The following LMX1A variants were observed in gnomAD, a reference collection of about 807,000 sequenced individuals.
The protein encoded by LMX1A is LIM homeobox transcription factor 1 alpha.
Under a neutral mutation model 49.1 loss-of-function variants are expected in LMX1A, and 15 were observed. That is an observed-to-expected ratio of 0.31 (90% CI 0.20 to 0.47). The LOEUF is 0.47. Among genes scored for constraint, LMX1A ranks in the 20% least tolerant of loss-of-function variants. The probability of loss-of-function intolerance (pLI) is 1.00; values close to 1 mark genes in which losing one functional copy is unlikely to be tolerated. For missense variants in LMX1A, 372 were observed against 475.8 expected (o/e 0.78, Z 2.03); for synonymous variants, 167 against 185.7 (o/e 0.90, Z 0.82).
At chr1:165,250,629 T>C (rs992863440) in intron 3 of LMX1A, among the ~76,000 whole-genome samples, 3 of 152,220 alleles carry the variant, frequency 2.0e-5, no homozygotes, top group East Asian at 1.9e-4. Context: ...ATCTATTATA[T>C]ATGCCAAGCC....
At chr1:165,249,778 G>A in intron 3 of LMX1A, 138 bp from the exon 4 acceptor site, 1 of 662,720 alleles carries the variant, frequency 1.5e-6, no homozygotes, top group Non-Finnish European at 2.7e-6. Context: ...TTAAATCCAG[G>A]TTATTTATTC....
chr1:165,316,365 C>A (rs1276952135), intron 3 of LMX1A, among the ~76,000 whole-genome samples: 1 of 152,154 alleles, frequency 6.6e-6, no homozygotes, highest in Non-Finnish European at 1.5e-5. Flanking sequence ...TGCTTCAGGG[C>A]CCAGGGACAG....
Position 165,235,140 on chromosome 1 carries a change from G to A in LMX1A, c.496+14268C>T, listed in dbSNP as rs1429244809. Among the ~76,000 whole-genome samples, 4 of 143,222 alleles carry A rather than the reference G, an allele frequency of 2.8e-5. No individual in the cohort carries two copies. In the East Asian group the frequency reaches 8.1e-4, roughly 29 times the overall value. 94.0% of individuals were successfully genotyped at this position (143,222 alleles called of 152,430 possible). On this transcript the variant is annotated intron_variant, in intron 4 of 8. Coordinates refer to ENST00000342310, the MANE Select transcript of LMX1A (RefSeq NM_177398.4). Reference sequence around the variant, plus strand: ...TTTCTCAAGGTTGGGGCATGAAGGAGAGACAGTTAGAGCGTATAGGGGGCG... The same window carrying A: ...TTTCTCAAGGTTGGGGCATGAAGGAAAGACAGTTAGAGCGTATAGGGGGCG...
intron 3 of LMX1A, among the ~76,000 whole-genome samples, chr1:165,324,842 T>C (rs188255469): frequency 4.3e-4 from 66 of 152,310 alleles, no homozygotes; most frequent in Non-Finnish European, 1.2e-4. Flanking sequence ...AATACAGTGC[T>C]CTTTTGATCT....
chr1:165,226,981 C>T (rs760478756), intron 4 of LMX1A, among the ~76,000 whole-genome samples: 13 of 152,086 alleles, frequency 8.5e-5, no homozygotes, highest in Non-Finnish European at 1.9e-4. Flanking sequence ...GATTAACAGG[C>T]CTTTACAAGA....
intron 3 of LMX1A, among the ~76,000 whole-genome samples, chr1:165,324,228 G>A (rs1456677305): frequency 6.6e-6 from 1 of 152,230 alleles, no homozygotes; most frequent in Non-Finnish European, 1.5e-5. Context: ...GTCAGCGTGT[G>A]AAAACTAACG....
intron 4 of LMX1A, among the ~76,000 whole-genome samples, chr1:165,235,858 C>T (rs953043149): frequency 6.6e-6 from 1 of 152,212 alleles, no homozygotes; most frequent in African/African-American, 2.4e-5. Flanking sequence ...ATGGCCCTAC[C>T]GCCGGGCTCT....
At chr1:165,330,847 A>G (rs1655725401) in intron 3 of LMX1A, among the ~76,000 whole-genome samples, 1 of 152,158 alleles carries the variant, frequency 6.6e-6, no homozygotes, top group African/African-American at 2.4e-5. Context: ...AATTCTATAT[A>G]TAAGCTTTAT....
intron 3 of LMX1A, among the ~76,000 whole-genome samples, chr1:165,259,789 AC>A (rs1354962724): frequency 6.6e-6 from 1 of 152,006 alleles, no homozygotes; most frequent in Non-Finnish European, 1.5e-5. Flanking sequence ...ATGAAAAGGT[AC>A]TCCTCCAGGC....
intron 4 of LMX1A, among the ~76,000 whole-genome samples, chr1:165,215,365 A>G (rs1651605435): frequency 6.6e-6 from 1 of 152,276 alleles, no homozygotes; most frequent in Middle Eastern, 3.4e-3. Flanking sequence ...TGCCCAAATG[A>G]TCTAACAAGA....
intron 3 of LMX1A, among the ~76,000 whole-genome samples, chr1:165,322,086 C>T (rs1236221184): frequency 6.6e-6 from 1 of 152,060 alleles, no homozygotes; most frequent in Non-Finnish European, 1.5e-5. Context: ...TGCTCAACAT[C>T]ATTAGTCTTT....
chr1:165,308,363 T>G (rs10918146), intron 3 of LMX1A, among the ~76,000 whole-genome samples: 3,276 of 152,268 alleles, frequency 0.022, 126 homozygotes, highest in African/African-American at 0.075. Context: ...ATGGTAAGAA[T>G]TGCAGCAAGA....
At chr1:165,295,083 T>A (rs989341334) in intron 3 of LMX1A, among the ~76,000 whole-genome samples, 7 of 152,220 alleles carry the variant, frequency 4.6e-5, no homozygotes, top group African/African-American at 1.7e-4. Flanking sequence ...AAATCACTGA[T>A]GTTCAGTACC....
chr1:165,303,118 T>C (rs957444416), intron 3 of LMX1A, among the ~76,000 whole-genome samples: 25 of 152,226 alleles, frequency 1.6e-4, no homozygotes, highest in African/African-American at 6.0e-4. Context: ...CTTTTCAAGC[T>C]TTGAGGAGAA....
chr1:165,254,251 T>C (rs1044400455), intron 3 of LMX1A, among the ~76,000 whole-genome samples: 2 of 151,916 alleles, frequency 1.3e-5, no homozygotes, highest in African/African-American at 4.8e-5. Context: ...TCCAAAAATT[T>C]CCCCCAAGTT....
intron 4 of LMX1A, among the ~76,000 whole-genome samples, chr1:165,245,403 G>A (rs149112127): frequency 5.3e-5 from 8 of 152,192 alleles, no homozygotes; most frequent in Non-Finnish European, 8.8e-5. Context: ...TCTACCCTAC[G>A]TTGAACCAAA....
intron 3 of LMX1A, among the ~76,000 whole-genome samples, chr1:165,257,051 A>G (rs1312226144): frequency 1.3e-5 from 2 of 152,166 alleles, no homozygotes; most frequent in Non-Finnish European, 2.9e-5. Context: ...CTGCAAAGGA[A>G]GGGGGCTTGT....
rs191269125 is a variant in LMX1A at position 165,204,053 on chromosome 1, T to C, written c.989-13A>G. The C allele has an allele frequency of 4.0e-4, 653 of 1,613,550 alleles. 1 individual carries two copies. Among genetic ancestry groups the C allele is most frequent in the Admixed American group, 4.0e-4 (24 of 60,016 alleles). ...AGGGGCTCGGCACCTGAAATGGAGATGAAACACTGGCATGAGGGTCTTGAA... is the reference window on the plus strand; with the variant it reads ...AGGGGCTCGGCACCTGAAATGGAGACGAAACACTGGCATGAGGGTCTTGAA... On this transcript the variant is annotated splice_polypyrimidine_tract_variant and intron_variant, in intron 8 of 8. Transcript: ENST00000342310.
chr1:165,296,300 G>A (rs10800081), intron 3 of LMX1A, among the ~76,000 whole-genome samples: 12,064 of 152,282 alleles, frequency 0.079, 1,239 homozygotes, highest in East Asian at 0.5. Context: ...GAGGAAAAGC[G>A]AGAAGGGTGT....
Sources: gnomAD v4.1 joint callset for allele counts (sites outside exome capture counted in the v4.1 genomes callset) on GRCh38, gnomAD v4.1.1 for gene constraint, MANE v1.5 for transcripts, NCBI Gene and HGNC (gene_info 2026-07-23, HGNC 2026-07-21) for gene names.